Variants in RBFOX1 observed in about 807,000 individuals in gnomAD.
RBFOX1 encodes RNA binding fox-1 homolog 1.
Under a neutral mutation model 57.7 loss-of-function variants are expected in RBFOX1, and 8 were observed. That is an observed-to-expected ratio of 0.14 (90% CI 0.08 to 0.25). RBFOX1 has a LOEUF of 0.25. RBFOX1 is among the 10% of genes least tolerant of loss of function. The pLI, the probability that RBFOX1 is intolerant of heterozygous loss-of-function variation, is 1.00. For missense variants in RBFOX1, 611 were observed against 548.5 expected (o/e 1.11, Z -1.14); for synonymous variants, 326 against 222.4 (o/e 1.47, Z -4.15).
chr16:6,728,926 C>T (rs1276452618), intron 3 of RBFOX1, among the ~76,000 whole-genome samples: 7 of 151,996 alleles, frequency 4.6e-5, no homozygotes, highest in South Asian at 2.1e-4. Context: ...TGCATACATA[C>T]GCACACGTAT....
At chr16:7,272,875 CCTTCCCTCCTTT>C (rs2095353828) in intron 4 of RBFOX1, among the ~76,000 whole-genome samples, 1 of 135,582 alleles carries the variant, frequency 7.4e-6, no homozygotes, top group African/African-American at 2.7e-5. Flanking sequence ...TTCTTCCCTT[CCTTCCCTCCTTT>C]CTTCCTTCCC....
At chr16:6,347,450 C>T (rs1007721652) in intron 2 of RBFOX1, among the ~76,000 whole-genome samples, 10 of 152,224 alleles carry the variant, frequency 6.6e-5, no homozygotes, top group Non-Finnish European at 1.3e-4. Flanking sequence ...CAAATGGTTG[C>T]ATGAGTTAAT....
At chr16:7,625,640 A>G (rs2059965680) in intron 10 of RBFOX1, among the ~76,000 whole-genome samples, 1 of 152,142 alleles carries the variant, frequency 6.6e-6, no homozygotes, top group African/African-American at 2.4e-5. Context: ...GTTGCCAGGC[A>G]GTTGAGATGT....
chr16:6,943,278 C>T (rs1175576501), intron 3 of RBFOX1, among the ~76,000 whole-genome samples: 2 of 152,148 alleles, frequency 1.3e-5, no homozygotes, highest in East Asian at 1.9e-4. Flanking sequence ...AAAAGAATAG[C>T]CCATTTGTCT....
At chr16:7,395,640 T>A (rs1249770687) in intron 4 of RBFOX1, among the ~76,000 whole-genome samples, 1 of 152,210 alleles carries the variant, frequency 6.6e-6, no homozygotes. Flanking sequence ...GGTTCTCATG[T>A]ATATGTAGCA....
chr16:7,226,722 A>T (rs1285360942), intron 4 of RBFOX1, among the ~76,000 whole-genome samples: 3 of 152,236 alleles, frequency 2.0e-5, no homozygotes, highest in Non-Finnish European at 4.4e-5. Context: ...AGATACGTCT[A>T]AAGTCACAGT....
intron 3 of RBFOX1, among the ~76,000 whole-genome samples, chr16:6,900,909 A>G (rs1359275173): frequency 6.6e-6 from 1 of 152,188 alleles, no homozygotes; most frequent in Non-Finnish European, 1.5e-5. Context: ...GATCCCCAGC[A>G]TTTTGCACAT....
intron 1 of RBFOX1, among the ~76,000 whole-genome samples, chr16:6,132,862 C>G (rs1047461469): frequency 6.6e-6 from 1 of 151,526 alleles, no homozygotes; most frequent in Middle Eastern, 3.2e-3. Flanking sequence ...TGGCGCATGC[C>G]TGTAGTCCCA....
At chr16:7,155,738 T>A (rs11640727) in intron 4 of RBFOX1, among the ~76,000 whole-genome samples, 1 of 75,520 alleles carries the variant, frequency 1.3e-5, no homozygotes, top group East Asian at 4.0e-4. Flanking sequence ...TATATATATA[T>A]ACACACACAC....
At chr16:7,671,721 C>G in intron 13 of RBFOX1, 1 of 889,240 alleles carries the variant, frequency 1.1e-6, no homozygotes. Flanking sequence ...AAAGACTTAA[C>G]TGAATTTTCC....
At chr16:6,827,641 C>G (rs144091444) in intron 3 of RBFOX1, among the ~76,000 whole-genome samples, 3 of 152,166 alleles carry the variant, frequency 2.0e-5, no homozygotes, top group African/African-American at 4.8e-5. Context: ...CAGCAGTCAC[C>G]TCCTTCCCCC....
chr16:5,738,612 C>T (rs182006232), intron 3 of RBFOX1, among the ~76,000 whole-genome samples: 78 of 128,538 alleles, frequency 6.1e-4, no homozygotes, highest in South Asian at 1.7e-3. Context: ...GCAGCCTGGG[C>T]GACAGAGCAA....
At chr16:5,658,443 A>G (rs1252202052) in intron 3 of RBFOX1, among the ~76,000 whole-genome samples, 2 of 152,074 alleles carry the variant, frequency 1.3e-5, no homozygotes, top group Admixed American at 1.3e-4. Flanking sequence ...TGGGACACTT[A>G]ATTCACTTGA....
chr16:6,856,090 C>A (rs1447671360), intron 3 of RBFOX1, among the ~76,000 whole-genome samples: 1 of 150,646 alleles, frequency 6.6e-6, no homozygotes, highest in Non-Finnish European at 1.5e-5. Flanking sequence ...GAAATGAAGA[C>A]CCTTCCCTTC....
At chr16:5,483,946 G>C (rs1160598755) in intron 2 of RBFOX1, among the ~76,000 whole-genome samples, 1 of 152,082 alleles carries the variant, frequency 6.6e-6, no homozygotes, top group Non-Finnish European at 1.5e-5. Flanking sequence ...AGAGGCAGGA[G>C]GATTGCTTGA....
rs531747216 is a variant in RBFOX1, at chr16:5,702,936, G to A, written c.318+103975G>A. On this transcript the variant is annotated intron_variant, in intron 3 of 19. Coordinates refer to the RBFOX1 transcript ENST00000641259. ...CTTATTGTATCTGTTACTATGTGAC[G>A]AATTTCAGGCCTCTGCATGTTACTA... is the stretch of plus-strand genomic sequence containing the variant. Among the ~76,000 whole-genome samples, 14 of 152,258 alleles carry A rather than the reference G, an allele frequency of 9.2e-5. No individual in the cohort carries two copies. In the South Asian group the frequency reaches 1.5e-3, roughly 16 times the overall value.
At chr16:6,656,778 G>A (rs2098656454) in intron 3 of RBFOX1, among the ~76,000 whole-genome samples, 1 of 152,096 alleles carries the variant, frequency 6.6e-6, no homozygotes, top group South Asian at 2.1e-4. Context: ...AATTGGTGAT[G>A]CATCTTAGTG....
At chr16:7,306,277 TCTTGCCA>T (rs2096182837) in intron 4 of RBFOX1, among the ~76,000 whole-genome samples, 1 of 152,196 alleles carries the variant, frequency 6.6e-6, no homozygotes, top group Admixed American at 6.5e-5. Flanking sequence ...GAGAGGTTAT[TCTTGCCA>T]TGAGAAGAAC....
intron 11 of RBFOX1, among the ~76,000 whole-genome samples, chr16:7,639,370 G>C (rs150236808): frequency 1.8e-4 from 27 of 152,246 alleles, no homozygotes; most frequent in Non-Finnish European, 3.5e-4. Context: ...TCAGCATTAC[G>C]GTGGCAGCCT....
Sources: gnomAD v4.1 joint callset for allele counts (sites outside exome capture counted in the v4.1 genomes callset) on GRCh38, gnomAD v4.1.1 for gene constraint, MANE v1.5 for transcripts, NCBI Gene and HGNC (gene_info 2026-07-23, HGNC 2026-07-21) for gene names.